Variants in SLC4A4 observed in about 807,000 individuals in gnomAD.
The protein encoded by SLC4A4 is solute carrier family 4 member 4, also known as electrogenic sodium bicarbonate cotransporter 1.
A neutral mutation model predicts 111.5 loss-of-function variants in SLC4A4; 27 were observed. The observed-to-expected ratio is 0.24, with a 90% CI of 0.18 to 0.33. The LOEUF (loss-of-function observed/expected upper bound fraction) is 0.33, where lower values mean the gene tolerates loss of function less well. SLC4A4 is among the 10% of genes least tolerant of loss of function. The probability of loss-of-function intolerance (pLI) is 1.00; values close to 1 mark genes in which losing one functional copy is unlikely to be tolerated. For missense variants in SLC4A4, 909 were observed against 1,315.5 expected (o/e 0.69, Z 4.78); for synonymous variants, 443 against 463.4 (o/e 0.96, Z 0.57).
chr4:71,121,454 G>A (rs909777013), intron 2 of SLC4A4, among the ~76,000 whole-genome samples: 1 of 152,208 alleles, frequency 6.6e-6, no homozygotes, highest in East Asian at 1.9e-4. Flanking sequence ...TGGGGTGTTG[G>A]AGAACTTTTA....
chr4:71,422,806 C>A (rs201975313), intron 7 of SLC4A4, among the ~76,000 whole-genome samples: 3,794 of 152,204 alleles, frequency 0.025, 158 homozygotes, highest in East Asian at 0.15. Context: ...GCTGAAAACT[C>A]TCAATAAATT....
chr4:71,072,355 G>A (rs1578451664), intron 1 of SLC4A4, among the ~76,000 whole-genome samples: 1 of 152,108 alleles, frequency 6.6e-6, no homozygotes, highest in Non-Finnish European at 1.5e-5. Flanking sequence ...GGTGTGCAAA[G>A]CCACCTTTAG....
intron 1 of SLC4A4, among the ~76,000 whole-genome samples, chr4:71,205,976 C>T (rs780371139): frequency 3.3e-5 from 5 of 152,292 alleles, no homozygotes; most frequent in Middle Eastern, 3.4e-3. Flanking sequence ...TAATTTAGCT[C>T]ACATTCAAAC....
chr4:71,410,694 GAGA>G (rs1421763647), intron 7 of SLC4A4, among the ~76,000 whole-genome samples: 2 of 152,130 alleles, frequency 1.3e-5, no homozygotes, highest in African/African-American at 4.8e-5. Flanking sequence ...TCAATTTTTG[GAGA>G]AGTTCAAGAG....
rs752252177 is a variant in SLC4A4 at position 71,082,182 on chromosome 4, C to T, written c.-64-10548C>T. Among the ~76,000 whole-genome samples, 32 of 151,914 alleles carry T rather than the reference C, an allele frequency of 2.1e-4. 1 individual carries two copies. The highest frequency in any genetic ancestry group is 4.0e-4 in the Non-Finnish European group (27 of 68,010). On this transcript the variant is annotated intron_variant, in intron 1 of 26. Transcript: ENST00000649996. ...TAGTATCTAGCAATTCAGTTTATTC[C>T]GATAGATTCTGTACTATAGGGATGA...
chr4:71,235,181 G>A (rs1719716995), intron 1 of SLC4A4, among the ~76,000 whole-genome samples: 1 of 152,162 alleles, frequency 6.6e-6, no homozygotes, highest in African/African-American at 2.4e-5. Flanking sequence ...TTTGCTCCAG[G>A]TAGCACACTT....
chr4:71,361,200 G>T (rs952088910), intron 6 of SLC4A4, among the ~76,000 whole-genome samples: 5 of 152,102 alleles, frequency 3.3e-5, no homozygotes, highest in Non-Finnish European at 4.4e-5. Flanking sequence ...ACTCACGCAC[G>T]CACACGTTCA....
At chr4:71,098,423 C>T (rs1742621675) in intron 2 of SLC4A4, among the ~76,000 whole-genome samples, 2 of 152,164 alleles carry the variant, frequency 1.3e-5, no homozygotes, top group Non-Finnish European at 2.9e-5. Flanking sequence ...GTTTTGGTTA[C>T]TGTAGACTTG....
intron 1 of SLC4A4, among the ~76,000 whole-genome samples, chr4:71,202,464 T>C (rs1450507401): frequency 6.6e-6 from 1 of 152,180 alleles, no homozygotes; most frequent in South Asian, 2.1e-4. Context: ...GACTATCTAA[T>C]TGCACCGTTA....
intron 6 of SLC4A4, among the ~76,000 whole-genome samples, chr4:71,362,982 A>G (rs1428524099): frequency 6.6e-6 from 1 of 152,156 alleles, no homozygotes. Context: ...TTTAATTCAA[A>G]TATGAGAAAT....
chr4:71,146,186 T>C (rs1435547491), intron 2 of SLC4A4, among the ~76,000 whole-genome samples: 1 of 152,228 alleles, frequency 6.6e-6, no homozygotes, highest in Non-Finnish European at 1.5e-5. Flanking sequence ...TCTTTATTTC[T>C]GCCTTCATTT....
intron 3 of SLC4A4, among the ~76,000 whole-genome samples, chr4:71,336,312 A>G (rs919086984): frequency 1.3e-5 from 2 of 152,238 alleles, no homozygotes; most frequent in Non-Finnish European, 2.9e-5. Context: ...GCAAACTGAA[A>G]TTATGCAAAA....
At chr4:71,155,334 C>A (rs1744428960) in intron 2 of SLC4A4, among the ~76,000 whole-genome samples, 1 of 151,758 alleles carries the variant, frequency 6.6e-6, no homozygotes, top group Non-Finnish European at 1.5e-5. Context: ...TTTCAGACTG[C>A]AAAAAAAGTG....
At chr4:71,528,459 T>A (rs1733606505) in intron 16 of SLC4A4, among the ~76,000 whole-genome samples, 1 of 152,140 alleles carries the variant, frequency 6.6e-6, no homozygotes, top group Admixed American at 6.6e-5. Flanking sequence ...TTTGAATGGA[T>A]TTAACTTTAC....
At chr4:71,261,871 C>G (rs1412551176) in intron 3 of SLC4A4, among the ~76,000 whole-genome samples, 1 of 152,064 alleles carries the variant, frequency 6.6e-6, no homozygotes, top group Non-Finnish European at 1.5e-5. Flanking sequence ...GTTCAGGAGA[C>G]CTCAAAGGGT....
intron 2 of SLC4A4, among the ~76,000 whole-genome samples, chr4:71,108,312 T>C (rs918279451): frequency 3.3e-5 from 5 of 152,218 alleles, no homozygotes; most frequent in African/African-American, 1.2e-4. Flanking sequence ...AGGACTCCCT[T>C]GACCATTCTT....
intron 2 of SLC4A4, among the ~76,000 whole-genome samples, chr4:71,124,741 C>CT (rs1261773204): frequency 6.6e-6 from 1 of 152,060 alleles, no homozygotes; most frequent in Non-Finnish European, 1.5e-5. Context: ...TCAGTGTTTT[C>CT]TTTTTTTCTT....
At chr4:71,462,248 G>A (rs1726899997) in intron 12 of SLC4A4, among the ~76,000 whole-genome samples, 1 of 152,016 alleles carries the variant, frequency 6.6e-6, no homozygotes. Context: ...ATTATCCCGT[G>A]AAGTAGCTAT....
intron 7 of SLC4A4, among the ~76,000 whole-genome samples, chr4:71,407,919 C>T (rs1238572435): frequency 6.6e-6 from 1 of 152,090 alleles, no homozygotes; most frequent in Non-Finnish European, 1.5e-5. Context: ...TGCTAAACCC[C>T]ATGGTTCTTT....
Sources: gnomAD v4.1 joint callset for allele counts (sites outside exome capture counted in the v4.1 genomes callset) on GRCh38, gnomAD v4.1.1 for gene constraint, MANE v1.5 for transcripts, NCBI Gene and HGNC (gene_info 2026-07-23, HGNC 2026-07-21) for gene names.